Variants in REG4 observed in about 807,000 individuals in gnomAD.
REG4 encodes the protein regenerating family member 4, also known as regenerating islet-derived protein 4.
A neutral mutation model predicts 22.3 loss-of-function variants in REG4; 16 were observed. The observed-to-expected ratio is 0.72, with a 90% confidence interval of 0.49 to 1.09. REG4 has a LOEUF of 1.09. REG4 is among the 50% of genes least tolerant of loss of function. REG4 has a pLI of 0.00. For synonymous variants in REG4, 71 were observed against 69.2 expected (o/e 1.03, Z -0.13); for missense variants, 214 against 193.9 (o/e 1.10, Z -0.61).
At position 119,794,132 on chromosome 1, in the gene REG4, C is replaced by A. The variant is rs1393006816; in HGVS notation, c.*486G>T. ...TAAAGGAATGTATGGCCCACATCAA[C>A]CTAGCAAGGATTCTACTGGTAAACC... On this transcript the variant is annotated 3_prime_UTR_variant, in exon 6 of 6. Coordinates refer to ENST00000256585, the MANE Select transcript of REG4 (RefSeq NM_032044.4). The A allele has an allele frequency of 3.7e-6, 2 of 533,854 alleles. No homozygotes were observed. The highest frequency in any genetic ancestry group is 3.8e-6 in the Non-Finnish European group (1 of 260,294). The allele number at this position is 533,854 out of a possible 1,614,324, so 33.1% of individuals were successfully genotyped here.
chr1:119,799,961 C>A (rs1005981516), intron 3 of REG4, 99 bp from the exon 4 acceptor site: 95 of 1,431,334 alleles, frequency 6.6e-5, no homozygotes, highest in Middle Eastern at 2.5e-4. Flanking sequence ...ACTCACGCAG[C>A]CCCCACTTCC....
intron 2 of REG4, among the ~76,000 whole-genome samples, chr1:119,804,893 C>T (rs1213164222): frequency 6.6e-6 from 1 of 152,170 alleles, no homozygotes; most frequent in East Asian, 1.9e-4. Flanking sequence ...CTGCCCCTCA[C>T]CCTGCAAGGT....
intron 3 of REG4, chr1:119,801,091 A>G (rs1654083608): frequency 6.6e-6 from 1 of 152,340 alleles, no homozygotes; most frequent in African/African-American, 2.4e-5. Context: ...TAAGGATTGT[A>G]TGAAACACAT....
chr1:119,802,102 T>A (rs1287039577), intron 3 of REG4: 1 of 154,504 alleles, frequency 6.5e-6, no homozygotes. Context: ...CGAGCTCATT[T>A]TCTTTCCTGG....
intron 5 of REG4, among the ~76,000 whole-genome samples, chr1:119,797,051 T>G (rs1218600897): frequency 2.0e-5 from 3 of 152,224 alleles, no homozygotes; most frequent in Non-Finnish European, 4.4e-5. Flanking sequence ...TTGATTCTTT[T>G]GTGCCATGGA....
chr1:119,795,649 G>A (rs1437689677), intron 5 of REG4, among the ~76,000 whole-genome samples: 2 of 152,186 alleles, frequency 1.3e-5, no homozygotes, highest in African/African-American at 2.4e-5. Context: ...TTCCCAGTGC[G>A]TGTGGGTGGG....
chr1:119,808,858 G>T lies in REG4; in HGVS notation c.-89C>A, dbSNP rs1202897969. 11 of 901,916 alleles carry T rather than the reference G, an allele frequency of 1.2e-5. No individual in the cohort carries two copies. Among genetic ancestry groups the T allele is most frequent in the Non-Finnish European group, 1.8e-5 (10 of 564,186 alleles). The allele number at this position is 901,916 out of a possible 1,614,324, so 55.9% of individuals were successfully genotyped here. A position where few individuals can be genotyped will look rare whatever the true frequency, so the allele number is the denominator to read the frequency against. On this transcript the variant is annotated 5_prime_UTR_variant, in exon 2 of 6. Coordinates refer to ENST00000256585, the MANE Select transcript of REG4 (RefSeq NM_032044.4). ...GAAACTCCTGGGTTCTCCTTGATCT[G>T]CAAATCTGAACACATTTGCACAGGT...
At chr1:119,806,743 G>A (rs1405712809) in intron 2 of REG4, among the ~76,000 whole-genome samples, 1 of 152,160 alleles carries the variant, frequency 6.6e-6, no homozygotes, top group Admixed American at 6.5e-5. Flanking sequence ...CTCTACACAT[G>A]CAGTATCAAG....
At position 119,797,382 on chromosome 1, in the gene REG4, C is replaced by T. The variant is rs915149343; in HGVS notation, c.409+1115G>A. 9.8e-5 allele frequency among the ~76,000 whole-genome samples: 15 copies of T among 152,286 alleles called. No individual in the cohort carries two copies. The South Asian group carries it at 1.2e-3, about 13-fold the overall frequency. ...GAGGGCTTTCCTCAGAGTGTGTCTC[C>T]TCATGCCTGCCCTTTGCCTCATGCT... On this transcript the variant is annotated intron_variant, in intron 5 of 5. Coordinates refer to ENST00000256585, the MANE Select transcript of REG4 (RefSeq NM_032044.4).
At chr1:119,806,417 G>A (rs957807695) in intron 2 of REG4, among the ~76,000 whole-genome samples, 1 of 152,158 alleles carries the variant, frequency 6.6e-6, no homozygotes, top group African/African-American at 2.4e-5. Flanking sequence ...AATGATAAAG[G>A]TAAGATTTGA....
Position 119,794,540 on chromosome 1 carries a change from A to C in REG4, c.*78T>G. 1 of 1,317,028 alleles carries C rather than the reference A, an allele frequency of 7.6e-7. No individual in the cohort carries two copies. Among genetic ancestry groups the C allele is most frequent in the Non-Finnish European group, 1.1e-6 (1 of 909,574 alleles). 81.6% of individuals were successfully genotyped at this position (1,317,028 alleles called of 1,614,324 possible). A position where few individuals can be genotyped will look rare whatever the true frequency, so the allele number is the denominator to read the frequency against. On this transcript the variant is annotated 3_prime_UTR_variant, in exon 6 of 6. Coordinates refer to ENST00000256585, the MANE Select transcript of REG4 (RefSeq NM_032044.4). ...GTTTGCTAGGTTTCCCCTCTGAAAT[A>C]ATGAGCAGATTTAGCCAGGCTAGCA...
At chr1:119,798,743 GAA>G in intron 4 of REG4, 141 bp from the exon 5 acceptor site, 3 of 567,510 alleles carry the variant, frequency 5.3e-6, no homozygotes, top group Non-Finnish European at 9.4e-6. Flanking sequence ...AGGAAAAAGA[GAA>G]AGTCATTCCA....
In REG4 at chr1:119,803,028, C is replaced by T. The variant is rs181835183; in HGVS notation, c.165+40G>A. ...ATCTGGGGCTCTGGCTGGTCCTTTG[C>T]TCTAGAAAGGCCAGGCCAAGCAGGC... On this transcript the variant is annotated intron_variant, in intron 3 of 5. Transcript: ENST00000256585. The T allele has an allele frequency of 2.3e-4, 370 of 1,611,962 alleles. No individual in the cohort carries two copies. In the African/African-American group the frequency reaches 4.3e-3, roughly 19 times the overall value.
At chr1:119,807,158 G>A (rs1461528020) in intron 2 of REG4, among the ~76,000 whole-genome samples, 1 of 152,164 alleles carries the variant, frequency 6.6e-6, no homozygotes, top group African/African-American at 2.4e-5. Context: ...GCAGGTATCA[G>A]GACAAAGAAC....
chr1:119,803,085 T>A lies in REG4; in HGVS notation c.148A>T (p.Asn50Tyr). The change falls in exon 3 of 6, where the codon AAC becomes TAC. Residue 50 changes from asparagine to tyrosine, a missense_variant. Physicochemically the swap from Asn to Tyr is moderately radical, Grantham distance 143. Coordinates refer to ENST00000256585, the MANE Select transcript of REG4 (RefSeq NM_032044.4). ...NCYGYFRKLR[N>Y]WSDAELECQS... The stretch of plus-strand genomic sequence containing the variant: ...TTTCTTACCTCGGCATCAGACCAGT[T>A]CCTCAGCTTCCTGAAGTAACCATAG... 1 of 1,588,574 alleles carries A rather than the reference T, an allele frequency of 6.3e-7. No homozygotes were observed. Among genetic ancestry groups the A allele is most frequent in the South Asian group, 1.2e-5 (1 of 85,742 alleles).
intron 2 of REG4, among the ~76,000 whole-genome samples, chr1:119,808,191 G>T (rs1172889435): frequency 6.6e-6 from 1 of 152,126 alleles, no homozygotes; most frequent in Non-Finnish European, 1.5e-5. Flanking sequence ...TTCCTCCCCT[G>T]CTTTCTCTAT....
intron 3 of REG4, 35 bp downstream of exon 3, chr1:119,803,033 G>GT: frequency 6.2e-7 from 1 of 1,612,218 alleles, no homozygotes; most frequent in Non-Finnish European, 8.5e-7. Flanking sequence ...CTTTGCTCTA[G>GT]AAAGGCCAGG....
At chr1:119,800,739 C>T (rs908702987) in intron 3 of REG4, among the ~76,000 whole-genome samples, 1 of 152,166 alleles carries the variant, frequency 6.6e-6, no homozygotes, top group Non-Finnish European at 1.5e-5. Flanking sequence ...TGAGGTGATC[C>T]TCCAGAGGAG....
At chr1:119,798,423 AT>A in intron 5 of REG4, 73 bp downstream of exon 5, 1 of 1,205,554 alleles carries the variant, frequency 8.3e-7, no homozygotes, top group Non-Finnish European at 1.2e-6. Context: ...CCCTGTGCCT[AT>A]TTTTGTGCTT....
Sources: allele counts gnomAD v4.1 joint callset (sites outside exome capture counted in the v4.1 genomes callset), GRCh38; gene constraint gnomAD v4.1.1; transcripts MANE v1.5; gene names NCBI Gene and HGNC (gene_info 2026-07-23, HGNC 2026-07-21).